The following ZMAT4 variants were observed in gnomAD, a reference collection of about 807,000 sequenced individuals.
The protein encoded by ZMAT4 is zinc finger matrin-type 4.
In ZMAT4, 17 loss-of-function variants were observed where a neutral mutation model predicts 28.7. That is an observed-to-expected ratio of 0.59 (90% CI 0.41 to 0.89). ZMAT4 has a LOEUF of 0.89. Ranked by LOEUF, ZMAT4 falls within the 40% of genes least tolerant of loss-of-function variation. The pLI is 0.00. For missense variants in ZMAT4, 240 were observed against 283.8 expected, an observed-to-expected ratio of 0.85 and a Z score of 1.11; for synonymous variants, 117 against 109.2, an observed-to-expected ratio of 1.07 and a Z score of -0.44.
intron 1 of ZMAT4, among the ~76,000 whole-genome samples, chr8:40,882,879 C>A (rs1310388472): frequency 6.6e-6 from 1 of 152,160 alleles, no homozygotes; most frequent in African/African-American, 2.4e-5. Flanking sequence ...AAAAAGACCA[C>A]CGGGAGTCAG....
intron 3 of ZMAT4, among the ~76,000 whole-genome samples, chr8:40,709,138 G>T (rs58007198): frequency 0.15 from 23,144 of 152,066 alleles, 2,537 homozygotes; most frequent in East Asian, 0.36. Context: ...TCCTCCTGTA[G>T]ACTTTAAATC....
At chr8:40,745,326 C>T (rs75495884) in intron 3 of ZMAT4, among the ~76,000 whole-genome samples, 2 of 124,146 alleles carry the variant, frequency 1.6e-5, no homozygotes, top group Non-Finnish European at 3.8e-5. Context: ...CCAAAGTCTA[C>T]AATTGTGTGA....
chr8:40,653,363 T>G (rs76423451), intron 5 of ZMAT4, among the ~76,000 whole-genome samples: 1,628 of 150,840 alleles, frequency 0.011, 24 homozygotes, highest in African/African-American at 0.038. Flanking sequence ...AGCAAAATAC[T>G]CAATGAAAAA....
intron 5 of ZMAT4, among the ~76,000 whole-genome samples, chr8:40,607,400 G>A (rs1015464096): frequency 6.6e-6 from 1 of 151,956 alleles, no homozygotes; most frequent in African/African-American, 2.4e-5. Context: ...AAAGTACTGG[G>A]ATTACAGGCA....
intron 6 of ZMAT4, among the ~76,000 whole-genome samples, chr8:40,545,430 C>A (rs1000603956): frequency 2.0e-5 from 3 of 152,120 alleles, no homozygotes; most frequent in Non-Finnish European, 2.9e-5. Flanking sequence ...ATGCTCCCCC[C>A]AAAAATTATA....
intron 1 of ZMAT4, among the ~76,000 whole-genome samples, chr8:40,862,379 T>C (rs1271448581): frequency 2.3e-5 from 3 of 129,376 alleles, no homozygotes; most frequent in Non-Finnish European, 4.7e-5. Context: ...ATGAGATCAC[T>C]TGGACACAGG....
chr8:40,768,142 G>T lies in ZMAT4; in HGVS notation c.103-412C>A, dbSNP rs1446534851. ...GGGGACAATGCCTCCTTGGGAGCCT[G>T]GTGCACCTCACCCCCAATAGAAGCC... On this transcript the variant is annotated intron_variant, in intron 2 of 6. Transcript: ENST00000297737. Among the ~76,000 whole-genome samples, 3 of 152,116 alleles carry T rather than the reference G, an allele frequency of 2.0e-5. No homozygotes were observed. The East Asian group carries it at 5.8e-4, about 29-fold the overall frequency.
chr8:40,703,516 C>T (rs1810232760), intron 3 of ZMAT4, among the ~76,000 whole-genome samples: 1 of 152,038 alleles, frequency 6.6e-6, no homozygotes, highest in African/African-American at 2.4e-5. Context: ...TGTGATATTT[C>T]CAGAATAAGA....
chr8:40,808,371 G>A, intron 2 of ZMAT4: 2 of 307,964 alleles, frequency 6.5e-6, no homozygotes, highest in South Asian at 5.5e-5. Flanking sequence ...TGAAAATGCA[G>A]CTTAAGGGTG....
chr8:40,641,600 G>A (rs722103), intron 5 of ZMAT4, among the ~76,000 whole-genome samples: 9,710 of 152,174 alleles, frequency 0.064, 718 homozygotes, highest in East Asian at 0.43. Flanking sequence ...GGAGATAAAT[G>A]TACACCTTTG....
At chr8:40,733,805 A>G (rs1811643634) in intron 3 of ZMAT4, among the ~76,000 whole-genome samples, 1 of 152,222 alleles carries the variant, frequency 6.6e-6, no homozygotes, top group African/African-American at 2.4e-5. Context: ...ACTCTCGTTC[A>G]TTCATTCAAC....
chr8:40,753,804 T>G (rs986216319), intron 3 of ZMAT4, among the ~76,000 whole-genome samples: 10 of 152,190 alleles, frequency 6.6e-5, no homozygotes, highest in African/African-American at 2.4e-4. Flanking sequence ...CTTCCACATG[T>G]TTTTCACCAG....
At chr8:40,767,402 A>T (rs1312046487) in intron 3 of ZMAT4, among the ~76,000 whole-genome samples, 1 of 152,000 alleles carries the variant, frequency 6.6e-6, no homozygotes, top group Non-Finnish European at 1.5e-5. Context: ...GTGTATTCTC[A>T]CTGTTTATGG....
Position 40,890,043 on chromosome 8 carries a change from T to C in ZMAT4, c.-5+7640A>G, listed in dbSNP as rs150736447. On this transcript the variant is annotated intron_variant, in intron 1 of 6. Coordinates refer to ENST00000297737, the MANE Select transcript of ZMAT4 (RefSeq NM_024645.3). ...TGCTAATCTGTTAAATGGATAACGA[T>C]AACTTGTTTTAATTTCACATTTTTG... Among the ~76,000 whole-genome samples, 41 of 152,364 alleles carry C rather than the reference T, an allele frequency of 2.7e-4. No individual in the cohort carries two copies. The East Asian group carries it at 7.3e-3, about 27-fold the overall frequency.
At chr8:40,887,126 A>G (rs1477657906) in intron 1 of ZMAT4, among the ~76,000 whole-genome samples, 1 of 141,622 alleles carries the variant, frequency 7.1e-6, no homozygotes, top group Non-Finnish European at 1.5e-5. Context: ...AGTGGAGATC[A>G]TGCCACTGCA....
chr8:40,765,890 A>G (rs1308668878), intron 3 of ZMAT4, among the ~76,000 whole-genome samples: 5 of 152,184 alleles, frequency 3.3e-5, no homozygotes, highest in African/African-American at 9.7e-5. Flanking sequence ...TTGCTGGATA[A>G]TTTCAAGAAG....
chr8:40,629,352 C>G (rs1156299745), intron 5 of ZMAT4, among the ~76,000 whole-genome samples: 1 of 125,924 alleles, frequency 7.9e-6, no homozygotes, highest in Admixed American at 8.0e-5. Context: ...TTTCCCCATG[C>G]CTTTCTTATT....
intron 2 of ZMAT4, among the ~76,000 whole-genome samples, chr8:40,768,250 C>T (rs1164104411): frequency 6.6e-6 from 1 of 152,136 alleles, no homozygotes; most frequent in Non-Finnish European, 1.5e-5. Context: ...ATATCATGAG[C>T]AAACTAAAGA....
chr8:40,602,891 C>G (rs1805447453), intron 5 of ZMAT4, among the ~76,000 whole-genome samples: 1 of 152,160 alleles, frequency 6.6e-6, no homozygotes, highest in Admixed American at 6.5e-5. Flanking sequence ...ATTTCTTTAG[C>G]TGTGCAGAAG....
Sources: allele counts gnomAD v4.1 joint callset (sites outside exome capture counted in the v4.1 genomes callset), GRCh38; gene constraint gnomAD v4.1.1; transcripts MANE v1.5; gene names NCBI Gene and HGNC (gene_info 2026-07-23, HGNC 2026-07-21).